AGBL4: variants seen among roughly 807,000 people sequenced by gnomAD.
AGBL4 encodes the protein cytosolic carboxypeptidase 6.
A neutral mutation model predicts 66.4 loss-of-function variants in AGBL4; 58 were observed. The ratio of observed to expected loss-of-function variants is 0.87; its 90% CI spans 0.71 to 1.09. The LOEUF (loss-of-function observed/expected upper bound fraction) is 1.09. Ranked by LOEUF, AGBL4 falls within the 50% of genes least tolerant of loss-of-function variation. The probability of loss-of-function intolerance (pLI) is 0.00; values close to 1 mark genes in which losing one functional copy is unlikely to be tolerated. For missense variants in AGBL4, 579 were observed against 631.0 expected, an observed-to-expected ratio of 0.92 and a Z score of 0.88; for synonymous variants, 234 against 222.9, an observed-to-expected ratio of 1.05 and a Z score of -0.44.
chr1:49,274,875 G>A (rs1029469791), intron 3 of AGBL4, among the ~76,000 whole-genome samples: 1 of 152,036 alleles, frequency 6.6e-6, no homozygotes, highest in Non-Finnish European at 1.5e-5. Flanking sequence ...AAACATTGCT[G>A]ATTCCTTTTA....
At chr1:49,904,105 C>A (rs1309920884) in intron 1 of AGBL4, among the ~76,000 whole-genome samples, 1 of 152,170 alleles carries the variant, frequency 6.6e-6, no homozygotes, top group Non-Finnish European at 1.5e-5. Flanking sequence ...GATCTGATTT[C>A]AAATACTCCT....
chr1:49,545,203 T>G (rs188858241), intron 3 of AGBL4, among the ~76,000 whole-genome samples: 1 of 152,320 alleles, frequency 6.6e-6, no homozygotes, highest in Admixed American at 6.5e-5. Context: ...GAAGACTCTC[T>G]CTATTGCTTT....
chr1:48,871,353 TTGTGTGTG>T (rs138337930), intron 5 of AGBL4, among the ~76,000 whole-genome samples: 23 of 141,092 alleles, frequency 1.6e-4, no homozygotes, highest in African/African-American at 5.4e-4. Flanking sequence ...GTAGTAGTGG[TTGTGTGTG>T]TGTGTGTGTG....
At chr1:48,682,419 T>G (rs973452972) in intron 6 of AGBL4, among the ~76,000 whole-genome samples, 64 of 152,092 alleles carry the variant, frequency 4.2e-4, no homozygotes, top group Admixed American at 2.5e-3. Context: ...TCTTTTTTTT[T>G]TTTTTTTGAG....
At chr1:49,001,584 T>G (rs1661397863) in intron 5 of AGBL4, among the ~76,000 whole-genome samples, 1 of 152,126 alleles carries the variant, frequency 6.6e-6, no homozygotes, top group South Asian at 2.1e-4. Context: ...ACCCTAATTC[T>G]CTTTCAGGTG....
intron 4 of AGBL4, among the ~76,000 whole-genome samples, chr1:49,152,985 T>C (rs1646366607): frequency 6.6e-6 from 1 of 151,852 alleles, no homozygotes; most frequent in Non-Finnish European, 1.5e-5. Context: ...GAGAGGTCCA[T>C]TGACAGGAAT....
intron 6 of AGBL4, among the ~76,000 whole-genome samples, chr1:48,863,824 T>A (rs1164201361): frequency 3.9e-5 from 6 of 152,052 alleles, no homozygotes; most frequent in Admixed American, 3.9e-4. Flanking sequence ...GACCCAAGTG[T>A]GACACAAAAC....
At chr1:49,193,925 A>G (rs1647174572) in intron 4 of AGBL4, among the ~76,000 whole-genome samples, 1 of 152,156 alleles carries the variant, frequency 6.6e-6, no homozygotes, top group African/African-American at 2.4e-5. Context: ...TTGTTTTGTG[A>G]CCTAATATAT....
intron 6 of AGBL4, among the ~76,000 whole-genome samples, chr1:48,710,188 G>A (rs1337482679): frequency 2.6e-5 from 4 of 152,146 alleles, no homozygotes; most frequent in African/African-American, 7.2e-5. Context: ...CCCTGCCTTG[G>A]AGGGAGGAGA....
In AGBL4 at chr1:49,078,852, A is replaced by C. The variant is rs75450697; in HGVS notation, c.378-33052T>G. 2.6e-5 allele frequency among the ~76,000 whole-genome samples: 4 copies of C among 152,322 alleles called. No homozygotes were observed. In the East Asian group the frequency reaches 5.8e-4, roughly 22 times the overall value. On this transcript the variant is annotated intron_variant, in intron 4 of 13. Coordinates refer to ENST00000371839, the MANE Select transcript of AGBL4 (RefSeq NM_032785.4). The stretch of plus-strand genomic sequence containing the variant: ...GCAGCCAAAGTGATGTTTTAAACAT[A>C]AGTCAGATTCCCATCACTTTGCTTG...
chr1:49,036,755 T>G (rs1282294367), intron 5 of AGBL4, among the ~76,000 whole-genome samples: 10 of 147,812 alleles, frequency 6.8e-5, no homozygotes, highest in Non-Finnish European at 1.5e-4. Flanking sequence ...AGTAATGAGG[T>G]CTCCCTATAT....
chr1:49,868,416 G>C (rs990404021), intron 1 of AGBL4, among the ~76,000 whole-genome samples: 8 of 152,144 alleles, frequency 5.3e-5, no homozygotes, highest in African/African-American at 1.9e-4. Flanking sequence ...TATGCTACTG[G>C]TACAAAAACA....
chr1:49,716,124 T>C (rs1324272175), intron 2 of AGBL4, among the ~76,000 whole-genome samples: 4 of 152,162 alleles, frequency 2.6e-5, no homozygotes, highest in Non-Finnish European at 5.9e-5. Context: ...AAGTTAATTT[T>C]TGTATAAGGT....
chr1:49,618,519 G>T (rs571623771), intron 3 of AGBL4, among the ~76,000 whole-genome samples: 4 of 152,222 alleles, frequency 2.6e-5, no homozygotes, highest in South Asian at 2.1e-4. Flanking sequence ...CAGATTCACA[G>T]GCAAATTCTA....
chr1:49,928,344 G>A (rs1018143285), intron 1 of AGBL4, among the ~76,000 whole-genome samples: 5 of 152,008 alleles, frequency 3.3e-5, no homozygotes, highest in Non-Finnish European at 7.4e-5. Flanking sequence ...TCTGCCACCC[G>A]GGTTCAAGCA....
At chr1:49,011,443 C>G (rs1045500859) in intron 5 of AGBL4, among the ~76,000 whole-genome samples, 1 of 152,170 alleles carries the variant, frequency 6.6e-6, no homozygotes, top group Non-Finnish European at 1.5e-5. Context: ...GGACTGTAAA[C>G]TAGTTCAACC....
At chr1:49,984,544 A>G (rs1449591400) in intron 1 of AGBL4, among the ~76,000 whole-genome samples, 1 of 152,180 alleles carries the variant, frequency 6.6e-6, no homozygotes, top group Non-Finnish European at 1.5e-5. Context: ...ATATTTAGCC[A>G]AATTGTTCAG....
At chr1:49,183,325 T>A (rs1049456372) in intron 4 of AGBL4, among the ~76,000 whole-genome samples, 1 of 152,228 alleles carries the variant, frequency 6.6e-6, no homozygotes, top group Non-Finnish European at 1.5e-5. Flanking sequence ...CTTCTAGTTC[T>A]GTTTGAGAAT....
intron 1 of AGBL4, among the ~76,000 whole-genome samples, chr1:49,855,793 C>G (rs890090055): frequency 6.6e-6 from 1 of 151,930 alleles, no homozygotes; most frequent in Non-Finnish European, 1.5e-5. Context: ...ATTACTACAT[C>G]AATAAAGCAG....
Sources: allele counts gnomAD v4.1 joint callset (sites outside exome capture counted in the v4.1 genomes callset), GRCh38; gene constraint gnomAD v4.1.1; transcripts MANE v1.5; gene names NCBI Gene and HGNC (gene_info 2026-07-23, HGNC 2026-07-21).